Variants in ZFPM2 observed in about 807,000 individuals in gnomAD.
ZFPM2 encodes the protein zinc finger protein, FOG family member 2.
Under a neutral mutation model 98.6 loss-of-function variants are expected in ZFPM2, and 20 were observed. The observed-to-expected ratio is 0.20, with a 90% CI of 0.14 to 0.29. The LOEUF is 0.29. ZFPM2 is among the 10% of genes least tolerant of loss of function. ZFPM2 has a pLI of 1.00. For missense variants in ZFPM2, 1,310 were observed against 1,388.6 expected (o/e 0.94, Z 0.90); for synonymous variants, 518 against 502.7 (o/e 1.03, Z -0.41).
intron 4 of ZFPM2, among the ~76,000 whole-genome samples, chr8:105,569,829 GTC>G (rs1418528854): frequency 3.3e-5 from 5 of 152,002 alleles, no homozygotes; most frequent in Admixed American, 3.3e-4. Context: ...AATTCCATCT[GTC>G]TCTGCTTGGA....
At position 105,803,071 on chromosome 8, in the gene ZFPM2, C is replaced by T. The variant is rs1267799499; in HGVS notation, c.2989C>T (p.Leu997Phe). The T allele has an allele frequency of 6.2e-7, 1 of 1,613,840 alleles. No individual in the cohort carries two copies. Among genetic ancestry groups the T allele is most frequent in the African/African-American group, 1.3e-5 (1 of 75,038 alleles). ...GCCAAGTGATTATATTTCTGGTTCT[C>T]TTGTCATCCATAACACTGACATCGA... ...IKPSDYISGS[L>F]VIHNTDIEQS... Residue 997 changes from leucine (L) to phenylalanine (F), a missense_variant, in exon 8 of 8, where the codon CTT (leucine) becomes TTT (phenylalanine). By Grantham distance (22) the Leu-to-Phe change is conservative. Coordinates refer to ENST00000407775, the MANE Select transcript of ZFPM2 (RefSeq NM_012082.4).
chr8:105,626,273 T>G (rs1816652684), intron 4 of ZFPM2, among the ~76,000 whole-genome samples: 1 of 152,184 alleles, frequency 6.6e-6, no homozygotes, highest in Non-Finnish European at 1.5e-5. Context: ...TTCCCCAGTC[T>G]TAAGTAGTCC....
chr8:105,735,908 C>A lies in ZFPM2; in HGVS notation c.533-52810C>A, dbSNP rs1312466448. On this transcript the variant is annotated intron_variant, in intron 5 of 7. Transcript: ENST00000407775. ...TAGTCAAGAGGACCTTCAGGGAAAG[C>A]AAGCTAGCACCTCTAGCTCCTTTTC... Among the ~76,000 whole-genome samples the A allele has an allele frequency of 2.0e-5, 3 of 151,962 alleles. No individual in the cohort carries two copies. The East Asian group carries it at 5.8e-4, about 30-fold the overall frequency.
At chr8:105,580,177 A>G (rs1315829550) in intron 4 of ZFPM2, among the ~76,000 whole-genome samples, 1 of 152,158 alleles carries the variant, frequency 6.6e-6, no homozygotes, top group Non-Finnish European at 1.5e-5. Context: ...CTGGCACCAA[A>G]CATAAAGATA....
At chr8:105,683,972 T>C (rs1449580333) in intron 5 of ZFPM2, among the ~76,000 whole-genome samples, 1 of 152,136 alleles carries the variant, frequency 6.6e-6, no homozygotes, top group African/African-American at 2.4e-5. Flanking sequence ...AATGAATGGA[T>C]GGATCATTCC....
At chr8:105,563,737 T>C (rs1301009418) in intron 4 of ZFPM2, among the ~76,000 whole-genome samples, 1 of 152,174 alleles carries the variant, frequency 6.6e-6, no homozygotes. Flanking sequence ...TCTGGGAGTT[T>C]CTGTTTGTCT....
intron 3 of ZFPM2, among the ~76,000 whole-genome samples, chr8:105,541,333 TCA>T (rs1814571199): frequency 6.6e-6 from 1 of 152,168 alleles, no homozygotes; most frequent in Non-Finnish European, 1.5e-5. Context: ...TATCCTACTA[TCA>T]CACAGTTGTT....
At chr8:105,482,744 C>T (rs902990787) in intron 3 of ZFPM2, among the ~76,000 whole-genome samples, 11 of 152,040 alleles carry the variant, frequency 7.2e-5, no homozygotes, top group African/African-American at 2.2e-4. Flanking sequence ...GAATTTGTTT[C>T]CTAATATTTT....
chr8:105,444,246 A>G, intron 2 of ZFPM2, 34 bp from the exon 3 acceptor site: 2 of 1,542,586 alleles, frequency 1.3e-6, no homozygotes, highest in Non-Finnish European at 1.8e-6. Flanking sequence ...AGCTTTGCTC[A>G]TTTTCTTTCT....
chr8:105,546,530 T>C (rs1814703850), intron 3 of ZFPM2, among the ~76,000 whole-genome samples: 1 of 149,276 alleles, frequency 6.7e-6, no homozygotes, highest in Admixed American at 6.8e-5. Flanking sequence ...GACAGCACCA[T>C]TGCACTCCAG....
intron 1 of ZFPM2, among the ~76,000 whole-genome samples, chr8:105,395,923 A>G (rs1811209858): frequency 6.6e-6 from 1 of 152,186 alleles, no homozygotes; most frequent in Non-Finnish European, 1.5e-5. Flanking sequence ...TTGTTTTCCA[A>G]GTGATACTTC....
intron 1 of ZFPM2, among the ~76,000 whole-genome samples, chr8:105,386,758 T>A (rs1318253965): frequency 6.6e-6 from 1 of 152,098 alleles, no homozygotes; most frequent in Non-Finnish European, 1.5e-5. Context: ...TGCTGATTGG[T>A]CCATTTTACA....
chr8:105,348,104 G>C (rs527316093), intron 1 of ZFPM2, among the ~76,000 whole-genome samples: 2 of 152,250 alleles, frequency 1.3e-5, no homozygotes, highest in Non-Finnish European at 2.9e-5. Flanking sequence ...TTATTTCTTT[G>C]CTTGACCATT....
At chr8:105,781,284 T>TTAAA (rs3066257) in intron 5 of ZFPM2, among the ~76,000 whole-genome samples, 25,517 of 152,018 alleles carry the variant, frequency 0.17, 3,749 homozygotes, top group African/African-American at 0.4. Context: ...AACTTGCAAT[T>TTAAA]TAAGGAATTG....
At chr8:105,592,329 G>T (rs2130766981) in intron 4 of ZFPM2, among the ~76,000 whole-genome samples, 1 of 152,182 alleles carries the variant, frequency 6.6e-6, no homozygotes, top group South Asian at 2.1e-4. Flanking sequence ...ATCTGGAAGG[G>T]TTAAAGGACT....
intron 1 of ZFPM2, among the ~76,000 whole-genome samples, chr8:105,392,414 A>G (rs572570647): frequency 6.6e-6 from 1 of 152,332 alleles, no homozygotes; most frequent in African/African-American, 2.4e-5. Context: ...TGAATGGGAA[A>G]TACTTGCAGT....
intron 1 of ZFPM2, among the ~76,000 whole-genome samples, chr8:105,353,807 T>A (rs901925279): frequency 2.6e-5 from 4 of 152,342 alleles, no homozygotes; most frequent in African/African-American, 9.6e-5. Flanking sequence ...TGCTTAAAAT[T>A]TTTTAAAAGG....
chr8:105,452,605 A>T (rs1812507125), intron 3 of ZFPM2, among the ~76,000 whole-genome samples: 1 of 151,968 alleles, frequency 6.6e-6, no homozygotes, highest in South Asian at 2.1e-4. Flanking sequence ...AAAAAAAATT[A>T]GCCAGACGTG....
intron 6 of ZFPM2, among the ~76,000 whole-genome samples, chr8:105,792,493 T>G (rs12334976): frequency 0.17 from 25,095 of 152,062 alleles, 3,624 homozygotes; most frequent in African/African-American, 0.39. Flanking sequence ...ATTTGCTGAG[T>G]AGAGCTTTAC....
Sources: gnomAD v4.1 joint callset for allele counts (sites outside exome capture counted in the v4.1 genomes callset) on GRCh38, gnomAD v4.1.1 for gene constraint, MANE v1.5 for transcripts, NCBI Gene and HGNC (gene_info 2026-07-23, HGNC 2026-07-21) for gene names.